The following AJAP1 variants were observed in gnomAD, a reference collection of about 807,000 sequenced individuals.
AJAP1 encodes the protein adherens junction-associated protein 1.
Under a neutral mutation model 35.0 loss-of-function variants are expected in AJAP1, and 5 were observed. The observed-to-expected ratio is 0.14, with a 90% CI of 0.07 to 0.30. AJAP1 has a LOEUF of 0.30. AJAP1 is among the 10% of genes least tolerant of loss of function. The pLI, the probability that AJAP1 is intolerant of heterozygous loss-of-function variation, is 1.00. For missense variants in AJAP1, 586 were observed against 571.0 expected (o/e 1.03, Z -0.27); for synonymous variants, 284 against 249.3 (o/e 1.14, Z -1.31).
Position 4,655,490 on chromosome 1 carries a change from G to A in AJAP1, c.29+36G>A. 1 of 1,559,682 alleles carries A rather than the reference G, an allele frequency of 6.4e-7. No individual in the cohort carries two copies. The highest frequency in any genetic ancestry group is 8.7e-7 in the Non-Finnish European group (1 of 1,151,446). On this transcript the variant is annotated intron_variant, in intron 1 of 5. Coordinates refer to ENST00000378191, the MANE Select transcript of AJAP1 (RefSeq NM_018836.4). The surrounding 1 kb of genome is among the most constrained non-coding windows in gnomAD (Gnocchi z 6.9). Reference sequence around the variant, plus strand: ...CGGCCGGCGCCGGGTGCGTGTGGGCGCGTGGGTGCCAGGCTGGGCGGAAGC... The same window carrying A: ...CGGCCGGCGCCGGGTGCGTGTGGGCACGTGGGTGCCAGGCTGGGCGGAAGC...
intron 2 of AJAP1, among the ~76,000 whole-genome samples, chr1:4,746,700 C>A (rs1043507235): frequency 6.6e-6 from 1 of 152,252 alleles, no homozygotes; most frequent in African/African-American, 2.4e-5. Flanking sequence ...CTATTGAATT[C>A]TATTCCTTGC....
chr1:4,686,453 C>A (rs72637591), intron 1 of AJAP1, among the ~76,000 whole-genome samples: 12,277 of 152,170 alleles, frequency 0.081, 690 homozygotes, highest in East Asian at 0.21. Context: ...CCATTAATTT[C>A]TTTGGGCTCC....
intron 2 of AJAP1, among the ~76,000 whole-genome samples, chr1:4,726,745 G>A (rs760260079): frequency 1.3e-5 from 2 of 152,186 alleles, no homozygotes; most frequent in Non-Finnish European, 2.9e-5. Context: ...CAGCATGTGG[G>A]TCTGGGAGGC....
chr1:4,736,114 TA>T (rs906270626), intron 2 of AJAP1, among the ~76,000 whole-genome samples: 14 of 152,364 alleles, frequency 9.2e-5, no homozygotes, highest in African/African-American at 2.9e-4. Flanking sequence ...TTAATGTTTG[TA>T]AAGGGCTTGG....
In AJAP1 at chr1:4,734,222, G is replaced by A. The variant is rs545287726; in HGVS notation, c.829+21523G>A. ...AGATGCTCCTTCTTAGATGAAAGGA[G>A]TGCCTCAGCTGAGCCCCGGAATAGG... On this transcript the variant is annotated intron_variant, in intron 2 of 5. Transcript: ENST00000378191. The surrounding 1 kb of genome is among the most constrained non-coding windows in gnomAD (Gnocchi z 4.3). Among the ~76,000 whole-genome samples, 1 of 152,338 alleles carries A rather than the reference G, an allele frequency of 6.6e-6. No homozygotes were observed. Among genetic ancestry groups the A allele is most frequent in the Admixed American group, 6.5e-5 (1 of 15,302 alleles).
At chr1:4,722,485 A>T (rs540331841) in intron 2 of AJAP1, among the ~76,000 whole-genome samples, 1 of 152,360 alleles carries the variant, frequency 6.6e-6, no homozygotes, top group African/African-American at 2.4e-5. Flanking sequence ...CATCTTGTGC[A>T]TGGGAGGCCC....
intron 4 of AJAP1, among the ~76,000 whole-genome samples, chr1:4,773,810 T>C (rs1305974787): frequency 6.6e-6 from 1 of 152,218 alleles, no homozygotes; most frequent in Non-Finnish European, 1.5e-5. Context: ...CCTCTGTTGC[T>C]TCACTTTTCC....
At chr1:4,657,182 G>T (rs964029284) in intron 1 of AJAP1, among the ~76,000 whole-genome samples, 1 of 152,236 alleles carries the variant, frequency 6.6e-6, no homozygotes, top group African/African-American at 2.4e-5. Flanking sequence ...ATCTTGGAAA[G>T]AAGCCTCTCT....
rs1440178639 is a variant in AJAP1 at position 4,654,717 on chromosome 1, G to C, written c.-709G>C. ...CCGCGCGCCTCCTCCGCGCGGCGCC[G>C]CCGCCGCGCGTCCCCACGCCCCGCG... On this transcript the variant is annotated 5_prime_UTR_variant, in exon 1 of 6. Transcript: ENST00000378191. This position sits in a 1 kb window ranked among gnomAD's most constrained non-coding sequence, Gnocchi z 5.1. 1.4e-5 allele frequency: 2 copies of C among 146,604 alleles called. No individual in the cohort carries two copies. Among genetic ancestry groups the C allele is most frequent in the Non-Finnish European group, 3.0e-5 (2 of 66,068 alleles). 9.1% of individuals were successfully genotyped at this position (146,604 alleles called of 1,614,324 possible). A position where few individuals can be genotyped will look rare whatever the true frequency, so the allele number is the denominator to read the frequency against.
intron 1 of AJAP1, among the ~76,000 whole-genome samples, chr1:4,666,739 G>GT (rs1639133267): frequency 2.1e-5 from 1 of 48,498 alleles, no homozygotes. Flanking sequence ...CACGGGAGGG[G>GT]TGCGGAGAGG....
chr1:4,668,735 C>G (rs977869819), intron 1 of AJAP1, among the ~76,000 whole-genome samples: 3 of 152,138 alleles, frequency 2.0e-5, no homozygotes, highest in Admixed American at 6.5e-5. Flanking sequence ...ATCCTGGAGC[C>G]GGGGTCCCCT....
intron 2 of AJAP1, among the ~76,000 whole-genome samples, chr1:4,732,321 T>C (rs1277621532): frequency 6.6e-6 from 1 of 152,234 alleles, no homozygotes; most frequent in Non-Finnish European, 1.5e-5. Context: ...CCACCATCCT[T>C]CTAAGACCTG....
intron 1 of AJAP1, among the ~76,000 whole-genome samples, chr1:4,684,064 G>A (rs1317097518): frequency 6.6e-6 from 1 of 152,178 alleles, no homozygotes; most frequent in Non-Finnish European, 1.5e-5. Flanking sequence ...GCCTGGAAAA[G>A]GCTGAGCCCT....
chr1:4,784,297 T>G lies in AJAP1; in HGVS notation c.*1812T>G, dbSNP rs1262743170. The G allele has an allele frequency of 6.6e-6, 1 of 152,232 alleles. No individual in the cohort carries two copies. Among genetic ancestry groups the G allele is most frequent in the East Asian group, 1.9e-4 (1 of 5,184 alleles). The allele number at this position is 152,232 out of a possible 1,614,324, so 9.4% of individuals were successfully genotyped here. On this transcript the variant is annotated 3_prime_UTR_variant, in exon 6 of 6. Coordinates refer to ENST00000378191, the MANE Select transcript of AJAP1 (RefSeq NM_018836.4). ...ATCTCATGGCCCACGCTGTGCCTCC[T>G]TAAAGGATGTTTCCTGTCCATGGGA... is the stretch of plus-strand genomic sequence containing the variant.
chr1:4,774,611 C>A lies in AJAP1; in HGVS notation c.*59+53C>A. The A allele has an allele frequency of 1.1e-5, 11 of 1,005,794 alleles. No individual in the cohort carries two copies. The South Asian group carries it at 1.5e-4, about 14-fold the overall frequency. 62.3% of individuals were successfully genotyped at this position (1,005,794 alleles called of 1,614,324 possible). ...TTTTCGTTCCCTTTCCTCCCCTCCC[C>A]ACTGCCCTCCCCTGCACTCTTTGGG... On this transcript the variant is annotated intron_variant, in intron 5 of 5. Coordinates refer to ENST00000378191, the MANE Select transcript of AJAP1 (RefSeq NM_018836.4).
intron 1 of AJAP1, among the ~76,000 whole-genome samples, chr1:4,697,923 G>A (rs1286357330): frequency 6.6e-5 from 10 of 152,332 alleles, no homozygotes; most frequent in Non-Finnish European, 5.9e-5. Context: ...GGACCGCTAA[G>A]TCCGCGTTCT....
intron 1 of AJAP1, among the ~76,000 whole-genome samples, chr1:4,670,234 C>G (rs1293942764): frequency 2.6e-5 from 4 of 152,154 alleles, no homozygotes; most frequent in Admixed American, 2.6e-4. Context: ...GGCAGCCGGT[C>G]TGTCTTTACT....
intron 5 of AJAP1, 48 bp downstream of exon 5, chr1:4,774,606 C>T: frequency 9.5e-7 from 1 of 1,054,202 alleles, no homozygotes; most frequent in Non-Finnish European, 1.4e-6. Context: ...CTTTCCTCCC[C>T]TCCCCACTGC....
chr1:4,770,077 G>T, intron 3 of AJAP1, 137 bp downstream of exon 3: 1 of 770,704 alleles, frequency 1.3e-6, no homozygotes, highest in South Asian at 1.6e-5. Context: ...GCTGCCACAG[G>T]CTGCTCACCG....
Sources: allele counts gnomAD v4.1 joint callset (sites outside exome capture counted in the v4.1 genomes callset), GRCh38; gene constraint gnomAD v4.1.1; non-coding constraint Gnocchi (gnomAD v3.1); transcripts MANE v1.5; gene names NCBI Gene and HGNC (gene_info 2026-07-23, HGNC 2026-07-21).